RNLS: variants seen among roughly 807,000 people sequenced by gnomAD.
The protein encoded by RNLS is renalase, FAD dependent amine oxidase.
In RNLS, 39 loss-of-function variants were observed where a neutral mutation model predicts 39.8. The ratio of observed to expected loss-of-function variants is 0.98; its 90% CI spans 0.76 to 1.28. The LOEUF (loss-of-function observed/expected upper bound fraction) is 1.28. Among genes scored for constraint, RNLS ranks in the 50% most tolerant of loss-of-function variants. The probability of loss-of-function intolerance (pLI) is 0.00; values close to 1 mark genes in which losing one functional copy is unlikely to be tolerated. For missense variants in RNLS, 410 were observed against 413.3 expected, an observed-to-expected ratio of 0.99 and a Z score of 0.07; for synonymous variants, 147 against 150.7, an observed-to-expected ratio of 0.98 and a Z score of 0.18.
intron 4 of RNLS, among the ~76,000 whole-genome samples, chr10:88,382,195 A>G (rs1409042114): frequency 6.6e-6 from 1 of 152,088 alleles, no homozygotes; most frequent in Non-Finnish European, 1.5e-5. Context: ...GCCATTTCAT[A>G]CCTATCATCT....
intron 4 of RNLS, among the ~76,000 whole-genome samples, chr10:88,548,626 G>A (rs1221168739): frequency 7.1e-6 from 1 of 141,458 alleles, no homozygotes; most frequent in Non-Finnish European, 1.5e-5. Flanking sequence ...GTGACGAAGC[G>A]AGACTCTGTC....
the RNLS span, among the ~76,000 whole-genome samples, chr10:88,173,986 C>A: frequency 6.7e-6 from 1 of 150,144 alleles, no homozygotes; most frequent in African/African-American, 2.5e-5. Flanking sequence ...GAAATTTATT[C>A]CTTGGTATTT....
intron 4 of RNLS, among the ~76,000 whole-genome samples, chr10:88,402,871 T>C (rs1435611535): frequency 6.6e-6 from 1 of 152,044 alleles, no homozygotes; most frequent in Non-Finnish European, 1.5e-5. Flanking sequence ...TTTAGAAACA[T>C]TCTAGCGAAT....
At chr10:88,376,716 C>T (rs1851029410) in intron 4 of RNLS, among the ~76,000 whole-genome samples, 1 of 152,066 alleles carries the variant, frequency 6.6e-6, no homozygotes, top group African/African-American at 2.4e-5. Context: ...AGCAACCTGC[C>T]TGTGTGAAAT....
chr10:88,413,429 G>C (rs888105851), intron 4 of RNLS, among the ~76,000 whole-genome samples: 4 of 152,162 alleles, frequency 2.6e-5, no homozygotes, highest in African/African-American at 9.7e-5. Flanking sequence ...AATAGCAAAG[G>C]ACAGCGTGTT....
intron 6 of RNLS, chr10:88,275,083 C>A (rs1842763944): frequency 5.5e-6 from 7 of 1,268,998 alleles, no homozygotes; most frequent in Non-Finnish European, 8.1e-6. Flanking sequence ...AACACAATGG[C>A]CTCTGACACC....
intron 6 of RNLS, among the ~76,000 whole-genome samples, chr10:88,297,344 C>G (rs1844164491): frequency 6.6e-6 from 1 of 152,170 alleles, no homozygotes; most frequent in African/African-American, 2.4e-5. Flanking sequence ...TGACTGGTTT[C>G]TTTCACATAG....
intron 4 of RNLS, among the ~76,000 whole-genome samples, chr10:88,458,727 G>C (rs929254222): frequency 6.6e-6 from 1 of 152,092 alleles, no homozygotes; most frequent in African/African-American, 2.4e-5. Context: ...AATAGTATTT[G>C]TGTATGGATT....
downstream of RNLS, chr10:88,284,079 A>G: frequency 1.1e-6 from 1 of 937,190 alleles, no homozygotes. Flanking sequence ...TCTGCTTTCA[A>G]AATAAGTGAC....
At chr10:88,229,203 A>C in the RNLS span, among the ~76,000 whole-genome samples, 2 of 152,246 alleles carry the variant, frequency 1.3e-5, no homozygotes, top group African/African-American at 4.8e-5. Flanking sequence ...AATACCTGGG[A>C]TACATGACAG....
rs753576890 is a variant in RNLS, at chr10:88,448,028, A to G, written c.527-85303T>C. Among the ~76,000 whole-genome samples, 76 of 152,340 alleles carry G rather than the reference A, an allele frequency of 5.0e-4. 1 individual carries two copies. The highest frequency in any genetic ancestry group is 4.1e-4 in the South Asian group (2 of 4,832). On this transcript the variant is annotated intron_variant, in intron 4 of 6. Coordinates refer to ENST00000331772, the MANE Select transcript of RNLS (RefSeq NM_001031709.3). ...TAATTCAAGATGGATTAAAGACTTA[A>G]ATGTTAGACCTAAAACCATAAAAAC...
chr10:88,333,352 A>G (rs1589576943), intron 5 of RNLS, among the ~76,000 whole-genome samples: 1 of 152,222 alleles, frequency 6.6e-6, no homozygotes, highest in African/African-American at 2.4e-5. Context: ...GAAAAAATAA[A>G]AGTACTGCTT....
At chr10:88,273,128 A>G (rs1382058756), downstream of RNLS, among the ~76,000 whole-genome samples, 1 of 152,192 alleles carries the variant, frequency 6.6e-6, no homozygotes, top group Admixed American at 6.5e-5. Flanking sequence ...AAACTCCCAG[A>G]GGTCTGCTCC....
chr10:88,420,173 C>T (rs1281537589), intron 4 of RNLS, among the ~76,000 whole-genome samples: 1 of 151,780 alleles, frequency 6.6e-6, no homozygotes, highest in Non-Finnish European at 1.5e-5. Flanking sequence ...TGGAGGAGGG[C>T]TAGTATATAA....
chr10:88,382,871 G>A (rs946412703), intron 4 of RNLS, among the ~76,000 whole-genome samples: 3 of 152,008 alleles, frequency 2.0e-5, no homozygotes, highest in Non-Finnish European at 4.4e-5. Flanking sequence ...AAAAAACTGA[G>A]AGAACACAAA....
At chr10:88,204,735 C>T in the RNLS span, among the ~76,000 whole-genome samples, 1 of 152,118 alleles carries the variant, frequency 6.6e-6, no homozygotes, top group African/African-American at 2.4e-5. Context: ...GATTTGAAAT[C>T]CATCTGATTC....
At chr10:88,192,347 G>T in the RNLS span, among the ~76,000 whole-genome samples, 1 of 152,138 alleles carries the variant, frequency 6.6e-6, no homozygotes, top group Non-Finnish European at 1.5e-5. Flanking sequence ...CATGGGAAGT[G>T]CTTGCTAAAT....
At chr10:88,243,931 G>A in the RNLS span, among the ~76,000 whole-genome samples, 1 of 152,222 alleles carries the variant, frequency 6.6e-6, no homozygotes, top group Admixed American at 6.5e-5. Context: ...AGCCTGAATA[G>A]CCAGCAGCTG....
the RNLS span, among the ~76,000 whole-genome samples, chr10:88,267,722 C>T: frequency 6.6e-6 from 1 of 152,070 alleles, no homozygotes. Flanking sequence ...TCAGACCTTC[C>T]CATTTTGAGT....
Sources: allele counts gnomAD v4.1 joint callset (sites outside exome capture counted in the v4.1 genomes callset), GRCh38; gene constraint gnomAD v4.1.1; transcripts MANE v1.5; gene names NCBI Gene and HGNC (gene_info 2026-07-23, HGNC 2026-07-21).